The following WDR70 variants were observed in gnomAD, a reference collection of about 807,000 sequenced individuals.
WDR70 encodes WD repeat domain 70, also known as WD repeat-containing protein 70.
A neutral mutation model predicts 88.6 loss-of-function variants in WDR70; 53 were observed. That is an observed-to-expected ratio of 0.60 (90% CI 0.48 to 0.75). The LOEUF (loss-of-function observed/expected upper bound fraction) is 0.75, where lower values mean the gene tolerates loss of function less well. Among genes scored for constraint, WDR70 ranks in the 30% least tolerant of loss-of-function variants. The pLI, the probability that WDR70 is intolerant of heterozygous loss-of-function variation, is 0.00. For missense variants in WDR70, 610 were observed against 823.2 expected (o/e 0.74, Z 3.17); for synonymous variants, 280 against 270.0 (o/e 1.04, Z -0.36).
intron 9 of WDR70, among the ~76,000 whole-genome samples, chr5:37,562,942 C>A (rs945483329): frequency 6.6e-6 from 1 of 150,704 alleles, no homozygotes; most frequent in African/African-American, 2.4e-5. Context: ...CATCATGGCC[C>A]GTTCTCAATG....
intron 17 of WDR70, among the ~76,000 whole-genome samples, chr5:37,734,413 A>G (rs552974271): frequency 6.6e-6 from 1 of 152,248 alleles, no homozygotes; most frequent in African/African-American, 2.4e-5. Context: ...TATTCATGCA[A>G]AAGAGATTTA....
chr5:37,433,762 G>A (rs975328048), intron 5 of WDR70, among the ~76,000 whole-genome samples: 1 of 152,044 alleles, frequency 6.6e-6, no homozygotes, highest in Non-Finnish European at 1.5e-5. Context: ...ACTTTCTTAG[G>A]CAGAATGGAA....
intron 10 of WDR70, among the ~76,000 whole-genome samples, chr5:37,696,718 C>T (rs1345211320): frequency 6.6e-6 from 1 of 152,102 alleles, no homozygotes; most frequent in Non-Finnish European, 1.5e-5. Flanking sequence ...CTATTAATGA[C>T]AGCTATGTAG....
At chr5:37,698,142 T>A (rs1454879737) in intron 11 of WDR70, among the ~76,000 whole-genome samples, 1 of 151,994 alleles carries the variant, frequency 6.6e-6, no homozygotes, top group African/African-American at 2.4e-5. Context: ...TGACCATTGC[T>A]TTTTTTTCTC....
chr5:37,398,769 A>T (rs1749106769), intron 5 of WDR70, among the ~76,000 whole-genome samples: 1 of 152,256 alleles, frequency 6.6e-6, no homozygotes. Context: ...TTTGTTTTAC[A>T]GTAAGTTCCA....
chr5:37,408,105 A>G (rs969361805), intron 5 of WDR70, among the ~76,000 whole-genome samples: 5 of 152,136 alleles, frequency 3.3e-5, no homozygotes, highest in African/African-American at 1.2e-4. Flanking sequence ...TTTTTCTGCC[A>G]TCTTTAGTAT....
At chr5:37,629,467 CT>C (rs1363097858) in intron 10 of WDR70, among the ~76,000 whole-genome samples, 2 of 152,016 alleles carry the variant, frequency 1.3e-5, no homozygotes, top group Non-Finnish European at 2.9e-5. Context: ...TTTCCTTATT[CT>C]TTTTAATTCA....
At chr5:37,612,371 T>G (rs1049011714) in intron 10 of WDR70, among the ~76,000 whole-genome samples, 2 of 152,154 alleles carry the variant, frequency 1.3e-5, no homozygotes, top group African/African-American at 4.8e-5. Flanking sequence ...TACAATTACA[T>G]TATATTTTAC....
At chr5:37,697,186 CACAGGCACATTAAG>C (rs1205740540) in intron 10 of WDR70, among the ~76,000 whole-genome samples, 2 of 152,120 alleles carry the variant, frequency 1.3e-5, no homozygotes, top group South Asian at 4.1e-4. Flanking sequence ...TTATTCATTC[CACAGGCACATTAAG>C]ACCTCCAACC....
Position 37,379,513 on chromosome 5 carries a change from C to T in WDR70, c.50C>T (p.Pro17Leu), listed in dbSNP as rs535598828. 9 of 1,613,978 alleles carry T rather than the reference C, an allele frequency of 5.6e-6. No individual in the cohort carries two copies. Among genetic ancestry groups the T allele is most frequent in the Middle Eastern group, 1.7e-4 (1 of 6,052 alleles). The change falls in exon 2 of 18, where the codon CCG (proline) becomes CTG (leucine). Residue 17 changes from proline to leucine, a missense_variant. Coordinates refer to ENST00000265107, the MANE Select transcript of WDR70 (RefSeq NM_018034.4). ...SEVTGSDASG[P>L]DPQLAVTMGF... ...GTGACAGGCTCAGACGCGTCGGGAC[C>T]GGACCCGCAGCTTGCGGTCACCATG...
intron 7 of WDR70, among the ~76,000 whole-genome samples, chr5:37,475,648 C>T (rs924211171): frequency 1.3e-5 from 2 of 152,134 alleles, no homozygotes; most frequent in African/African-American, 4.8e-5. Flanking sequence ...TTCACACTCT[C>T]CATATAAATA....
chr5:37,546,268 C>T (rs374684971), intron 9 of WDR70, among the ~76,000 whole-genome samples: 1 of 152,150 alleles, frequency 6.6e-6, no homozygotes, highest in African/African-American at 2.4e-5. Context: ...CATTTAATGT[C>T]ACATTAACCT....
At chr5:37,536,323 T>C (rs1052452780) in intron 9 of WDR70, among the ~76,000 whole-genome samples, 16 of 152,216 alleles carry the variant, frequency 1.1e-4, no homozygotes, top group Non-Finnish European at 2.4e-4. Flanking sequence ...TATATGGCTT[T>C]TGTTTTAAAA....
At chr5:37,399,049 T>C (rs1445597079) in intron 5 of WDR70, among the ~76,000 whole-genome samples, 1 of 152,120 alleles carries the variant, frequency 6.6e-6, no homozygotes, top group East Asian at 1.9e-4. Flanking sequence ...GAGGCCGAGA[T>C]GGGCGGATCA....
intron 5 of WDR70, among the ~76,000 whole-genome samples, chr5:37,399,818 A>G (rs886093909): frequency 6.6e-6 from 1 of 152,180 alleles, no homozygotes; most frequent in Non-Finnish European, 1.5e-5. Context: ...CATGAAAAAC[A>G]GTGTGTAGAG....
intron 9 of WDR70, among the ~76,000 whole-genome samples, chr5:37,573,399 C>A (rs934873868): frequency 6.6e-6 from 1 of 151,962 alleles, no homozygotes; most frequent in African/African-American, 2.4e-5. Context: ...TCTTATGATA[C>A]TTTATGTTTT....
intron 7 of WDR70, among the ~76,000 whole-genome samples, chr5:37,457,438 G>T (rs1738877291): frequency 6.6e-6 from 1 of 152,148 alleles, no homozygotes. Context: ...ATGATGGCAA[G>T]ATTTGGAGAA....
At chr5:37,566,237 AATTAAATGCTATATGC>A (rs1337967758) in intron 9 of WDR70, among the ~76,000 whole-genome samples, 2 of 152,158 alleles carry the variant, frequency 1.3e-5, no homozygotes, top group African/African-American at 4.8e-5. Flanking sequence ...GAAATTATGT[AATTAAATGCTATATGC>A]ATTAAATACT....
intron 9 of WDR70, among the ~76,000 whole-genome samples, chr5:37,554,301 G>A (rs1033609432): frequency 6.6e-6 from 1 of 151,964 alleles, no homozygotes; most frequent in East Asian, 1.9e-4. Flanking sequence ...CAGCATTGCT[G>A]GCTCATAAAA....
Sources: gnomAD v4.1 joint callset for allele counts (sites outside exome capture counted in the v4.1 genomes callset) on GRCh38, gnomAD v4.1.1 for gene constraint, MANE v1.5 for transcripts, NCBI Gene and HGNC (gene_info 2026-07-23, HGNC 2026-07-21) for gene names.